The following FBXL7 variants were observed in gnomAD, a reference collection of about 807,000 sequenced individuals.
The protein encoded by FBXL7 is F-box/LRR-repeat protein 7.
A neutral mutation model predicts 38.3 loss-of-function variants in FBXL7; 12 were observed. The observed-to-expected ratio is 0.31, with a 90% CI of 0.20 to 0.51. The LOEUF is 0.51. Ranked by LOEUF, FBXL7 falls within the 20% of genes least tolerant of loss-of-function variation. The probability of loss-of-function intolerance (pLI) is 0.98; values close to 1 mark genes in which losing one functional copy is unlikely to be tolerated. For missense variants in FBXL7, 567 were observed against 676.4 expected, an observed-to-expected ratio of 0.84 and a Z score of 1.79; for synonymous variants, 297 against 300.9, an observed-to-expected ratio of 0.99 and a Z score of 0.13.
At chr5:15,754,968 G>A (rs1004607594) in intron 2 of FBXL7, among the ~76,000 whole-genome samples, 2 of 152,136 alleles carry the variant, frequency 1.3e-5, no homozygotes, top group Non-Finnish European at 2.9e-5. Context: ...GAGACTGATT[G>A]GAACTATTTT....
At chr5:15,657,073 A>G (rs1741907872) in intron 2 of FBXL7, among the ~76,000 whole-genome samples, 1 of 152,218 alleles carries the variant, frequency 6.6e-6, no homozygotes, top group Admixed American at 6.5e-5. Context: ...TGAAGGACAT[A>G]AAACAAAACC....
intron 2 of FBXL7, among the ~76,000 whole-genome samples, chr5:15,761,282 A>G (rs574108096): frequency 1.3e-4 from 20 of 152,254 alleles, no homozygotes; most frequent in Non-Finnish European, 2.9e-4. Context: ...ATAATTGTTT[A>G]TGGCTGTCTT....
chr5:15,887,786 G>A (rs1411233398), intron 2 of FBXL7, among the ~76,000 whole-genome samples: 1 of 152,142 alleles, frequency 6.6e-6, no homozygotes, highest in African/African-American at 2.4e-5. Context: ...CAAGAAGCTT[G>A]GCTGTGCATT....
intron 2 of FBXL7, among the ~76,000 whole-genome samples, chr5:15,828,338 T>A (rs2126771015): frequency 6.6e-6 from 1 of 152,342 alleles, no homozygotes; most frequent in Admixed American, 6.5e-5. Context: ...ACATAGTATT[T>A]CTTTAGTATA....
intron 1 of FBXL7, among the ~76,000 whole-genome samples, chr5:15,517,939 G>A (rs931220918): frequency 2.0e-5 from 3 of 152,132 alleles, no homozygotes; most frequent in Non-Finnish European, 4.4e-5. Flanking sequence ...TAGCATTGGC[G>A]TCTTGCTGCT....
rs149529075 is a variant in FBXL7, at chr5:15,764,423, T to C, written c.127+148351T>C. The stretch of plus-strand genomic sequence containing the variant: ...CACCTTTTGGCTAAGAGATAAGCAT[T>C]GTAGAAGTGAACATTATAAGCAGAC... On this transcript the variant is annotated intron_variant, in intron 2 of 3. Transcript: ENST00000504595. Among the ~76,000 whole-genome samples, 1,153 of 152,290 alleles carry C rather than the reference T, an allele frequency of 7.6e-3. 12 individuals carry two copies. The highest frequency in any genetic ancestry group is 0.026 in the African/African-American group (1,090 of 41,558).
intron 2 of FBXL7, among the ~76,000 whole-genome samples, chr5:15,925,416 G>A (rs914505388): frequency 1.3e-5 from 2 of 152,184 alleles, no homozygotes; most frequent in African/African-American, 2.4e-5. Context: ...TGAGCACAGC[G>A]TGGATGCACA....
chr5:15,544,076 T>G (rs904275765), intron 1 of FBXL7, among the ~76,000 whole-genome samples: 3 of 152,170 alleles, frequency 2.0e-5, no homozygotes, highest in Non-Finnish European at 2.9e-5. Context: ...AAAGTGGGTA[T>G]AAATATGAGT....
chr5:15,645,281 A>G (rs1312921673), intron 2 of FBXL7, among the ~76,000 whole-genome samples: 3 of 152,188 alleles, frequency 2.0e-5, no homozygotes, highest in African/African-American at 7.2e-5. Context: ...GGAACTGCTT[A>G]GGGCCAACCT....
chr5:15,875,376 T>G (rs1296320839), intron 2 of FBXL7, among the ~76,000 whole-genome samples: 1 of 152,172 alleles, frequency 6.6e-6, no homozygotes, highest in Non-Finnish European at 1.5e-5. Flanking sequence ...CCAAAAGCAA[T>G]GGCAACAAAA....
At chr5:15,733,158 A>G (rs776692439) in intron 2 of FBXL7, among the ~76,000 whole-genome samples, 4 of 152,050 alleles carry the variant, frequency 2.6e-5, no homozygotes, top group African/African-American at 4.8e-5. Flanking sequence ...CAGTGGCGCT[A>G]TCTCGGCTCA....
chr5:15,556,044 A>C (rs1234551820), intron 1 of FBXL7, among the ~76,000 whole-genome samples: 1 of 150,774 alleles, frequency 6.6e-6, no homozygotes. Context: ...TCTACTTATC[A>C]TCTATTATCT....
At chr5:15,648,320 C>T (rs1741602468) in intron 2 of FBXL7, among the ~76,000 whole-genome samples, 1 of 152,104 alleles carries the variant, frequency 6.6e-6, no homozygotes, top group African/African-American at 2.4e-5. Context: ...ACTACACCTG[C>T]TTTGTCATTG....
intron 2 of FBXL7, among the ~76,000 whole-genome samples, chr5:15,817,845 A>G (rs1738060691): frequency 6.6e-6 from 1 of 152,196 alleles, no homozygotes; most frequent in Non-Finnish European, 1.5e-5. Context: ...TCTTCACAGC[A>G]GTATGAAAAC....
chr5:15,575,242 T>C (rs1281590987), intron 1 of FBXL7, among the ~76,000 whole-genome samples: 1 of 151,096 alleles, frequency 6.6e-6, no homozygotes, highest in Non-Finnish European at 1.5e-5. Flanking sequence ...GTAGTCCAGG[T>C]TTGTCTTTAA....
intron 2 of FBXL7, among the ~76,000 whole-genome samples, chr5:15,804,494 A>G (rs1737653968): frequency 6.6e-6 from 1 of 152,158 alleles, no homozygotes; most frequent in Admixed American, 6.6e-5. Flanking sequence ...AATAATGAAT[A>G]AATAAAATGT....
Position 15,703,944 on chromosome 5 carries a change from A to G in FBXL7, c.127+87872A>G, listed in dbSNP as rs576206755. Among the ~76,000 whole-genome samples the G allele has an allele frequency of 2.2e-3, 342 of 152,326 alleles. 2 individuals carry two copies. The highest frequency in any genetic ancestry group is 7.9e-3 in the African/African-American group (327 of 41,580). On this transcript the variant is annotated intron_variant, in intron 2 of 3. Coordinates refer to ENST00000504595, the MANE Select transcript of FBXL7 (RefSeq NM_012304.5). ...CATATGTCATGCAGAGCATCTAAGC[A>G]GGGTCACACTCAGCAGTGGCAGGTC...
chr5:15,556,727 ATC>A (rs1461535269), intron 1 of FBXL7, among the ~76,000 whole-genome samples: 1 of 152,196 alleles, frequency 6.6e-6, no homozygotes, highest in African/African-American at 2.4e-5. Flanking sequence ...GACTGTGCCA[ATC>A]TCTCAATAAA....
chr5:15,768,870 T>C (rs1736659933), intron 2 of FBXL7, among the ~76,000 whole-genome samples: 1 of 152,234 alleles, frequency 6.6e-6, no homozygotes. Context: ...TCTAGAAATG[T>C]GGGCATTTTG....
Sources: allele counts gnomAD v4.1 joint callset (sites outside exome capture counted in the v4.1 genomes callset), GRCh38; gene constraint gnomAD v4.1.1; transcripts MANE v1.5; gene names NCBI Gene and HGNC (gene_info 2026-07-23, HGNC 2026-07-21).